Variants in RARB observed in about 807,000 individuals in gnomAD.
The protein encoded by RARB is retinoic acid receptor beta, also known as HBV-activated protein.
Under a neutral mutation model 51.9 loss-of-function variants are expected in RARB, and 17 were observed. The observed-to-expected ratio is 0.33, with a 90% CI of 0.22 to 0.49. The LOEUF (loss-of-function observed/expected upper bound fraction) is 0.49, where lower values mean the gene tolerates loss of function less well. Among genes scored for constraint, RARB ranks in the 20% least tolerant of loss-of-function variants. The pLI, the probability that RARB is intolerant of heterozygous loss-of-function variation, is 0.99. For synonymous variants in RARB, 215 were observed against 195.4 expected, an observed-to-expected ratio of 1.10 and a Z score of -0.84; for missense variants, 369 against 550.8, an observed-to-expected ratio of 0.67 and a Z score of 3.30.
At chr3:24,948,156 T>C (rs1695813832) in intron 2 of RARB, among the ~76,000 whole-genome samples, 1 of 152,150 alleles carries the variant, frequency 6.6e-6, no homozygotes, top group Non-Finnish European at 1.5e-5. Flanking sequence ...GAAAGGGTCT[T>C]TGAGTAGGAA....
chr3:25,332,110 G>C (rs1043615542), intron 5 of RARB, among the ~76,000 whole-genome samples: 3 of 152,170 alleles, frequency 2.0e-5, no homozygotes, highest in Admixed American at 6.6e-5. Flanking sequence ...AGACGAGCTG[G>C]TACCATTCGT....
chr3:24,888,351 C>T (rs1415971605), intron 2 of RARB, among the ~76,000 whole-genome samples: 1 of 152,076 alleles, frequency 6.6e-6, no homozygotes, highest in African/African-American at 2.4e-5. Context: ...AAAGTTGTTA[C>T]GTGGGTATTA....
intron 5 of RARB, among the ~76,000 whole-genome samples, chr3:25,406,775 C>G (rs762271010): frequency 1.3e-5 from 2 of 152,166 alleles, no homozygotes; most frequent in Non-Finnish European, 2.9e-5. Flanking sequence ...GGCACAGTAT[C>G]GAGCAGGATG....
At chr3:25,027,962 A>T (rs1697786194) in intron 2 of RARB, among the ~76,000 whole-genome samples, 3 of 112,054 alleles carry the variant, frequency 2.7e-5, no homozygotes, top group Non-Finnish European at 3.8e-5. Flanking sequence ...ACAGGCCTTC[A>T]TTGGCTCATG....
At chr3:25,574,617 G>A (rs1700848423) in intron 4 of RARB, among the ~76,000 whole-genome samples, 1 of 152,176 alleles carries the variant, frequency 6.6e-6, no homozygotes, top group African/African-American at 2.4e-5. Flanking sequence ...CTCATCACCA[G>A]GTGGGGCCTG....
chr3:25,482,447 C>G (rs952516925), intron 2 of RARB, among the ~76,000 whole-genome samples: 1 of 151,156 alleles, frequency 6.6e-6, no homozygotes, highest in South Asian at 2.1e-4. Context: ...CCCAGTAGAC[C>G]AGCACTGTTC....
chr3:25,362,098 GTGC>G (rs1559371908), intron 5 of RARB, among the ~76,000 whole-genome samples: 1 of 152,100 alleles, frequency 6.6e-6, no homozygotes. Context: ...CTTCCTCTAG[GTGC>G]TGTGTCCCAG....
chr3:25,059,497 T>C (rs1698505551), intron 2 of RARB, among the ~76,000 whole-genome samples: 1 of 151,866 alleles, frequency 6.6e-6, no homozygotes. Flanking sequence ...TTAGTAGTCA[T>C]AAAATGACTA....
At chr3:24,961,514 C>A (rs1696138027) in intron 2 of RARB, among the ~76,000 whole-genome samples, 1 of 151,448 alleles carries the variant, frequency 6.6e-6, no homozygotes, top group Admixed American at 6.6e-5. Flanking sequence ...TTAGATCAAG[C>A]AATCCTCTAC....
At chr3:25,008,533 T>A (rs1697323750) in intron 2 of RARB, among the ~76,000 whole-genome samples, 2 of 152,146 alleles carry the variant, frequency 1.3e-5, no homozygotes, top group Admixed American at 1.3e-4. Context: ...AGTCTTTGAA[T>A]GCCTTGACAG....
chr3:25,532,087 T>C (rs527722809), intron 3 of RARB, among the ~76,000 whole-genome samples: 2 of 152,312 alleles, frequency 1.3e-5, no homozygotes, highest in East Asian at 3.9e-4. Context: ...TATTTTATTT[T>C]GTGTCAATTT....
chr3:25,454,400 T>TTAA (rs1694785413), intron 1 of RARB, among the ~76,000 whole-genome samples: 1 of 152,250 alleles, frequency 6.6e-6, no homozygotes, highest in Non-Finnish European at 1.5e-5. Flanking sequence ...TTTGCTCTTC[T>TTAA]TCCTTAATTA....
intron 5 of RARB, among the ~76,000 whole-genome samples, chr3:25,583,504 A>T (rs975496059): frequency 6.6e-6 from 1 of 152,208 alleles, no homozygotes; most frequent in Admixed American, 6.5e-5. Context: ...AATGCTTCCA[A>T]CTGCACGCCT....
chr3:25,367,053 G>T (rs548909934), intron 5 of RARB, among the ~76,000 whole-genome samples: 1 of 152,244 alleles, frequency 6.6e-6, no homozygotes, highest in East Asian at 1.9e-4. Flanking sequence ...TGCCAGCCAA[G>T]AGTTCATATT....
chr3:25,206,122 G>A (rs1701538942), intron 5 of RARB, among the ~76,000 whole-genome samples: 3 of 152,164 alleles, frequency 2.0e-5, no homozygotes, highest in African/African-American at 7.2e-5. Flanking sequence ...CATAAGTCAA[G>A]GATCATCTGT....
At chr3:25,454,476 G>A (rs914451306) in intron 1 of RARB, among the ~76,000 whole-genome samples, 2 of 152,210 alleles carry the variant, frequency 1.3e-5, no homozygotes, top group Non-Finnish European at 2.9e-5. Flanking sequence ...GGGCCATGCA[G>A]GAAATGTCTT....
In RARB at chr3:24,868,602, G is replaced by C. The variant is rs1276232544; in HGVS notation, c.-380+9850G>C. ...TGGGAAGGTGGGTGTGGTTGGACTT[G>C]CCTCATTATATCCTCTTCCCTTTTG... On this transcript the variant is annotated intron_variant, in intron 2 of 11. Transcript: ENST00000383772. Among the ~76,000 whole-genome samples the C allele has an allele frequency of 3.3e-5, 5 of 152,082 alleles. No homozygotes were observed. The South Asian group carries it at 8.3e-4, about 25-fold the overall frequency.
chr3:25,365,141 C>T (rs1009478381), intron 5 of RARB, among the ~76,000 whole-genome samples: 49 of 151,662 alleles, frequency 3.2e-4, no homozygotes, highest in African/African-American at 1.2e-3. Flanking sequence ...AGCTTCCTAT[C>T]CAGAATGTCC....
At chr3:25,358,153 C>T (rs562488122) in intron 5 of RARB, among the ~76,000 whole-genome samples, 13 of 152,142 alleles carry the variant, frequency 8.5e-5, no homozygotes, top group Non-Finnish European at 1.6e-4. Flanking sequence ...TCTCTTATTT[C>T]CTTGAGCAGT....
Sources: gnomAD v4.1 joint callset for allele counts (sites outside exome capture counted in the v4.1 genomes callset) on GRCh38, gnomAD v4.1.1 for gene constraint, MANE v1.5 for transcripts, NCBI Gene and HGNC (gene_info 2026-07-23, HGNC 2026-07-21) for gene names.